The following PTK2 variants were observed in gnomAD, a reference collection of about 807,000 sequenced individuals.
PTK2 encodes the protein focal adhesion kinase 1.
A neutral mutation model predicts 150.1 loss-of-function variants in PTK2; 45 were observed. The observed-to-expected ratio is 0.30, with a 90% CI of 0.24 to 0.38. The LOEUF (loss-of-function observed/expected upper bound fraction) is 0.38, where lower values mean the gene tolerates loss of function less well. Ranked by LOEUF, PTK2 falls within the 10% of genes least tolerant of loss-of-function variation. The pLI is 1.00. For synonymous variants in PTK2, 432 were observed against 449.2 expected, an observed-to-expected ratio of 0.96 and a Z score of 0.48; for missense variants, 919 against 1,307.3, an observed-to-expected ratio of 0.70 and a Z score of 4.58.
intron 2 of PTK2, among the ~76,000 whole-genome samples, chr8:140,899,828 T>C (rs1163759957): frequency 1.3e-5 from 2 of 152,018 alleles, no homozygotes; most frequent in African/African-American, 4.8e-5. Context: ...TATATCACAT[T>C]AACAGAACAA....
intron 2 of PTK2, among the ~76,000 whole-genome samples, chr8:140,913,573 G>T (rs1438635708): frequency 6.6e-6 from 1 of 152,096 alleles, no homozygotes; most frequent in African/African-American, 2.4e-5. Context: ...TGGGATTACA[G>T]GTGTGAGCCA....
intron 25 of PTK2, among the ~76,000 whole-genome samples, chr8:140,702,102 T>G (rs2100030822): frequency 9.5e-6 from 1 of 105,006 alleles, no homozygotes; most frequent in South Asian, 3.5e-4. Context: ...CACTCCAGCC[T>G]GGGAGACAGA....
At chr8:140,692,855 A>AG (rs568717572) in intron 26 of PTK2, among the ~76,000 whole-genome samples, 57 of 152,328 alleles carry the variant, frequency 3.7e-4, no homozygotes, top group African/African-American at 1.3e-3. Flanking sequence ...CTTCAGACAG[A>AG]CAGCCTCTTG....
chr8:140,793,524 C>T, intron 12 of PTK2, 140 bp from the exon 13 acceptor site: 2 of 776,916 alleles, frequency 2.6e-6, no homozygotes, highest in African/African-American at 1.8e-5. Flanking sequence ...ACACTGTCTA[C>T]CTTAGGTTCT....
At position 140,908,746 on chromosome 8, in the gene PTK2, T is replaced by A. The variant is rs928652124; in HGVS notation, c.-33+16915A>T. On this transcript the variant is annotated intron_variant, in intron 2 of 31. Coordinates refer to ENST00000522684, the Ensembl canonical transcript of PTK2. ...TCAGAAGGGGCCAATTCTCCTGATG[T>A]CCAAATCGAGCCCTTTGCTAAGACC... Among the ~76,000 whole-genome samples, 4 of 152,134 alleles carry A rather than the reference T, an allele frequency of 2.6e-5. No individual in the cohort carries two copies. In the South Asian group the frequency reaches 8.3e-4, roughly 32 times the overall value.
chr8:140,894,356 C>T (rs773916699), intron 2 of PTK2, among the ~76,000 whole-genome samples: 23 of 152,148 alleles, frequency 1.5e-4, no homozygotes, highest in Admixed American at 6.5e-5. Context: ...TTATAAGCCA[C>T]CCAGTTTATG....
At chr8:140,745,170 C>A (rs1593333820) in intron 18 of PTK2, among the ~76,000 whole-genome samples, 1 of 152,160 alleles carries the variant, frequency 6.6e-6, no homozygotes, top group Non-Finnish European at 1.5e-5. Flanking sequence ...CTTACTGTGG[C>A]TCTGCGAAGG....
intron 7 of PTK2, among the ~76,000 whole-genome samples, chr8:140,842,385 T>C (rs1011754423): frequency 6.6e-6 from 1 of 152,074 alleles, no homozygotes; most frequent in Non-Finnish European, 1.5e-5. Context: ...TTTATCCTGA[T>C]TGACAATCAA....
At chr8:140,954,226 T>C (rs2100180471) in intron 1 of PTK2, among the ~76,000 whole-genome samples, 1 of 152,142 alleles carries the variant, frequency 6.6e-6, no homozygotes, top group South Asian at 2.1e-4. Flanking sequence ...GTGATCTGCC[T>C]GCCTCAACCC....
chr8:140,898,862 G>C (rs1306749813), intron 2 of PTK2, among the ~76,000 whole-genome samples: 2 of 152,138 alleles, frequency 1.3e-5, no homozygotes, highest in East Asian at 3.8e-4. Flanking sequence ...GTTGAAAGAA[G>C]AGTAGCTCAC....
intron 1 of PTK2, among the ~76,000 whole-genome samples, chr8:140,977,198 T>C (rs569703177): frequency 7.2e-5 from 11 of 152,096 alleles, no homozygotes; most frequent in South Asian, 4.2e-4. Context: ...GAGACCAAGT[T>C]TGGCAACATA....
At chr8:140,950,580 T>G (rs997161973) in intron 1 of PTK2, among the ~76,000 whole-genome samples, 1 of 152,164 alleles carries the variant, frequency 6.6e-6, no homozygotes, top group Non-Finnish European at 1.5e-5. Context: ...AGGCTTGTAG[T>G]GTGAGCCAAG....
rs374415488 is a variant in PTK2 at position 140,668,379 on chromosome 8, G to T, written c.2755C>A (p.Arg919=). The change falls in exon 30 of 32, where the codon CGG becomes AGG. Residue 919 remains arginine, a synonymous_variant. Coordinates refer to ENST00000522684, the Ensembl canonical transcript of PTK2. ...TTCTCGTACACCTTATCATTCGACCGGTCCAGGTTGGCAGTAGGAGGGGGG... is the reference window on the plus strand; with the variant it reads ...TTCTCGTACACCTTATCATTCGACCTGTCCAGGTTGGCAGTAGGAGGGGGG... 3.1e-6 allele frequency: 5 copies of T among 1,613,694 alleles called. No individual in the cohort carries two copies. In the South Asian group the frequency reaches 5.5e-5, roughly 18 times the overall value.
At chr8:140,845,824 GCA>G (rs1476879339) in intron 7 of PTK2, among the ~76,000 whole-genome samples, 2 of 152,154 alleles carry the variant, frequency 1.3e-5, no homozygotes, top group Non-Finnish European at 2.9e-5. Context: ...ACAGTCTGAT[GCA>G]CACATTAATT....
intron 23 of PTK2, among the ~76,000 whole-genome samples, chr8:140,710,329 CA>C (rs71308985): frequency 0.33 from 36,769 of 111,430 alleles, 5,072 homozygotes; most frequent in Admixed American, 0.4. Flanking sequence ...GACCTTGTCT[CA>C]AAAAAAAAAA....
chr8:140,727,637 T>C (rs954549448), intron 22 of PTK2, among the ~76,000 whole-genome samples: 4 of 152,288 alleles, frequency 2.6e-5, no homozygotes, highest in Admixed American at 2.6e-4. Flanking sequence ...CTAGAACTTC[T>C]AATTTAAAGT....
chr8:140,846,758 A>G, intron 5 of PTK2, 80 bp from the exon 6 acceptor site: 1 of 962,384 alleles, frequency 1.0e-6, no homozygotes. Flanking sequence ...ATGTTTCCTG[A>G]GTACCTTTCA....
rs139401349 is a variant in PTK2 at position 140,662,746 on chromosome 8, A to C, written c.2946+2171T>G. 2.7e-5 allele frequency: 16 copies of C among 590,762 alleles called. No individual in the cohort carries two copies. In the East Asian group the frequency reaches 4.2e-4, roughly 16 times the overall value. The allele number at this position is 590,762 out of a possible 1,614,324, so 36.6% of individuals were successfully genotyped here. The stretch of plus-strand genomic sequence containing the variant: ...CCCTGGACATCGTATGTCTCTGGGT[A>C]TGATGCTGAGAAGGATTCAGCATTA... On this transcript the variant is annotated intron_variant, in intron 31 of 31. Coordinates refer to ENST00000522684, the Ensembl canonical transcript of PTK2.
At chr8:140,761,055 C>CTTA (rs1334374855) in intron 16 of PTK2, 110 bp downstream of exon 19, 1 of 729,760 alleles carries the variant, frequency 1.4e-6, no homozygotes, top group Non-Finnish European at 2.3e-6. Context: ...AAAAGACACC[C>CTTA]GTAAATATTA....
Sources: gnomAD v4.1 joint callset for allele counts (sites outside exome capture counted in the v4.1 genomes callset) on GRCh38, gnomAD v4.1.1 for gene constraint, MANE v1.5 for transcripts, NCBI Gene and HGNC (gene_info 2026-07-23, HGNC 2026-07-21) for gene names.